The following PRDX4 variants were observed in gnomAD, a reference collection of about 807,000 sequenced individuals.
PRDX4 encodes peroxiredoxin-4.
PRDX4 carries 12 observed loss-of-function variants against 20.5 expected under a neutral mutation model. The ratio of observed to expected loss-of-function variants is 0.58; its 90% CI spans 0.37 to 0.95. The LOEUF (loss-of-function observed/expected upper bound fraction) is 0.95. Among genes scored for constraint, PRDX4 ranks in the 40% least tolerant of loss-of-function variants. The pLI is 0.01. For missense variants in PRDX4, 180 were observed against 207.3 expected (o/e 0.87, Z 0.81); for synonymous variants, 99 against 87.5 (o/e 1.13, Z -0.73).
intron 3 of PRDX4, among the ~76,000 whole-genome samples, chrX:23,677,927 T>C (rs954452225): frequency 1.8e-5 from 2 of 112,348 alleles, no homozygotes; most frequent in African/African-American, 6.5e-5. Flanking sequence ...GTTTATGGGA[T>C]AGTAAATACA....
chrX:23,676,398 A>G (rs12014633), intron 3 of PRDX4, among the ~76,000 whole-genome samples: 1,387 of 110,945 alleles, frequency 0.013, 18 homozygotes, highest in African/African-American at 0.043. Flanking sequence ...TTTTCAGACA[A>G]ACCTTCCCAA....
In PRDX4 at chrX:23,667,670, G is replaced by A; in HGVS notation, c.100G>A (p.Ala34Thr). The A allele has an allele frequency of 1.7e-6, 2 of 1,209,840 alleles. No homozygotes were observed. Among genetic ancestry groups the A allele is most frequent in the Non-Finnish European group, 2.2e-6 (2 of 894,501 alleles). ...ACTGCTGTTCCTGCTGCCGGCTGGA[G>A]CTGTGCAGGGCTGGGAGACAGAGGA... is the stretch of plus-strand genomic sequence containing the variant. ...PLLLFLLPAG[A>T]VQGWETEERP... is the part of the protein sequence containing the mutation. The change falls in exon 1 of 7, where the codon GCT (alanine) becomes ACT (threonine). Residue 34 changes from alanine to threonine, a missense_variant. Physicochemically the swap from Ala to Thr is moderately conservative, Grantham distance 58. Transcript: ENST00000379341.
chrX:23,682,374 C>A (rs369144507), intron 4 of PRDX4, 22 bp from the exon 5 acceptor site: 189 of 1,107,918 alleles, frequency 1.7e-4, no homozygotes, highest in Non-Finnish European at 2.2e-4. Context: ...GACCTCATCT[C>A]TACCATTCTT....
At chrX:23,676,065 T>A (rs1362630649) in intron 3 of PRDX4, among the ~76,000 whole-genome samples, 4 of 100,429 alleles carry the variant, frequency 4.0e-5, no homozygotes, top group Middle Eastern at 5.1e-3. Context: ...GAGGTGGAGG[T>A]TGCAGTGAGC....
chrX:23,672,268 G>GAA (rs1190936718), intron 2 of PRDX4, among the ~76,000 whole-genome samples: 10 of 111,924 alleles, frequency 8.9e-5, no homozygotes, highest in Non-Finnish European at 1.9e-4. Flanking sequence ...AAAAAGAAAA[G>GAA]AAAAAGAAAA....
intron 1 of PRDX4, among the ~76,000 whole-genome samples, chrX:23,669,591 G>A (rs1388145161): frequency 2.7e-5 from 3 of 111,335 alleles, no homozygotes; most frequent in Non-Finnish European, 5.7e-5. Context: ...AAAAAAAGGC[G>A]GGATGCAACA....
At chrX:23,672,463 T>C (rs989801921) in intron 2 of PRDX4, among the ~76,000 whole-genome samples, 4 of 111,869 alleles carry the variant, frequency 3.6e-5, no homozygotes, top group Non-Finnish European at 7.5e-5. Flanking sequence ...TTTTTAACTC[T>C]GTGACAGTGA....
At chrX:23,676,607 A>G (rs1278412730) in intron 3 of PRDX4, among the ~76,000 whole-genome samples, 3 of 109,546 alleles carry the variant, frequency 2.7e-5, no homozygotes, top group Non-Finnish European at 3.8e-5. Context: ...CCTGGGCAAC[A>G]TAGTGAGACC....
At chrX:23,675,320 G>T in intron 3 of PRDX4, 1 of 702,183 alleles carries the variant, frequency 1.4e-6, no homozygotes, top group Non-Finnish European at 2.0e-6. Context: ...AAATGCTTAA[G>T]GATTTTATAG....
intron 1 of PRDX4, among the ~76,000 whole-genome samples, chrX:23,669,052 G>A (rs967447581): frequency 8.2e-5 from 9 of 110,301 alleles, no homozygotes; most frequent in Middle Eastern, 4.7e-3. Flanking sequence ...CAGCCTCCCA[G>A]GTAGCTGGGA....
At chrX:23,676,738 G>A (rs1271226020) in intron 3 of PRDX4, among the ~76,000 whole-genome samples, 1 of 107,615 alleles carries the variant, frequency 9.3e-6, no homozygotes, top group African/African-American at 3.4e-5. Flanking sequence ...GCTGTAGTGA[G>A]CCAAGATCAT....
intron 1 of PRDX4, among the ~76,000 whole-genome samples, chrX:23,670,039 C>T (rs932757451): frequency 9.0e-6 from 1 of 111,549 alleles, no homozygotes; most frequent in Non-Finnish European, 1.9e-5. Context: ...CTTTGTACTT[C>T]TCTGCATTTA....
chrX:23,685,274 A>G (rs1215889290), intron 6 of PRDX4, among the ~76,000 whole-genome samples: 1 of 112,113 alleles, frequency 8.9e-6, no homozygotes, highest in Admixed American at 9.5e-5. Flanking sequence ...TCAGTCACAG[A>G]GGGTTTTGCT....
At chrX:23,672,351 T>C (rs1927863739) in intron 2 of PRDX4, among the ~76,000 whole-genome samples, 1 of 112,350 alleles carries the variant, frequency 8.9e-6, no homozygotes, top group South Asian at 3.7e-4. Flanking sequence ...ATCTGTTGCT[T>C]TTCTGGGATT....
chrX:23,685,652 G>A (rs1202471208), intron 6 of PRDX4, among the ~76,000 whole-genome samples: 1 of 110,578 alleles, frequency 9.0e-6, no homozygotes, highest in Non-Finnish European at 1.9e-5. Context: ...AAAGATAGAT[G>A]TACTTTACCT....
intron 1 of PRDX4, among the ~76,000 whole-genome samples, chrX:23,670,603 G>A (rs1321486672): frequency 8.9e-6 from 1 of 112,262 alleles, no homozygotes; most frequent in Non-Finnish European, 1.9e-5. Flanking sequence ...GAAAGTATAA[G>A]TGCTATCTGA....
chrX:23,670,858 C>G (rs1487322011), intron 1 of PRDX4, among the ~76,000 whole-genome samples: 6 of 111,811 alleles, frequency 5.4e-5, no homozygotes, highest in African/African-American at 2.0e-4. Context: ...AGCAGGTCCT[C>G]CATGTGTATG....
rs371127665 is a variant in PRDX4 at position 23,675,109 on chromosome X, C to T, written c.476+3C>T. Reference sequence around the variant, plus strand: ...TCACAGTTTACCCATTTGGCCTGGTCAGTATCTTACACTTATATTCGTAGA... The same window carrying T: ...TCACAGTTTACCCATTTGGCCTGGTTAGTATCTTACACTTATATTCGTAGA... On this transcript the variant is annotated splice_donor_region_variant and intron_variant, in intron 3 of 6. Transcript: ENST00000379341. The T allele has an allele frequency of 3.0e-4, 359 of 1,209,165 alleles. No homozygotes were observed. Among genetic ancestry groups the T allele is most frequent in the Non-Finnish European group, 3.9e-4 (350 of 894,988 alleles).
intron 5 of PRDX4, among the ~76,000 whole-genome samples, chrX:23,683,355 C>G (rs1297258766): frequency 9.0e-6 from 1 of 111,535 alleles, no homozygotes; most frequent in African/African-American, 3.3e-5. Flanking sequence ...TTTTGCCATG[C>G]CCAGGCCTTT....
Sources: allele counts gnomAD v4.1 joint callset (sites outside exome capture counted in the v4.1 genomes callset), GRCh38; gene constraint gnomAD v4.1.1; transcripts MANE v1.5; gene names NCBI Gene and HGNC (gene_info 2026-07-23, HGNC 2026-07-21).